EXOC4: variants seen among roughly 807,000 people sequenced by gnomAD.
The protein encoded by EXOC4 is SEC8-like 1.
In EXOC4, 71 loss-of-function variants were observed where a neutral mutation model predicts 107.2. The observed-to-expected ratio is 0.66, with a 90% confidence interval of 0.55 to 0.81. The LOEUF is 0.81. EXOC4 is among the 30% of genes least tolerant of loss of function. EXOC4 has a pLI of 0.00. For synonymous variants in EXOC4, 456 were observed against 441.2 expected (o/e 1.03, Z -0.42); for missense variants, 1,108 against 1,189.6 (o/e 0.93, Z 1.01).
intron 10 of EXOC4, among the ~76,000 whole-genome samples, chr7:133,760,621 C>G (rs1232568575): frequency 1.3e-5 from 2 of 152,028 alleles, no homozygotes; most frequent in African/African-American, 4.8e-5. Context: ...TCTGTTTTGA[C>G]CTCGCACCAT....
At chr7:133,363,870 G>T (rs1156247855) in intron 6 of EXOC4, among the ~76,000 whole-genome samples, 1 of 152,108 alleles carries the variant, frequency 6.6e-6, no homozygotes. Flanking sequence ...AAATAATACT[G>T]GATCTTTTCA....
chr7:133,603,260 C>T (rs180699243), intron 9 of EXOC4, among the ~76,000 whole-genome samples: 183 of 152,248 alleles, frequency 1.2e-3, no homozygotes, highest in Non-Finnish European at 1.7e-3. Flanking sequence ...GTGCCATACT[C>T]AAAATAGTTT....
At chr7:133,378,358 A>G (rs1796537014) in intron 7 of EXOC4, among the ~76,000 whole-genome samples, 2 of 151,296 alleles carry the variant, frequency 1.3e-5, no homozygotes, top group African/African-American at 2.4e-5. Flanking sequence ...ATAATACCAG[A>G]TGGTAACTTA....
At chr7:133,546,153 A>T (rs995096315) in intron 9 of EXOC4, among the ~76,000 whole-genome samples, 1 of 151,958 alleles carries the variant, frequency 6.6e-6, no homozygotes, top group African/African-American at 2.4e-5. Context: ...TCTTATGGGT[A>T]CTGTTTTTAA....
intron 17 of EXOC4, among the ~76,000 whole-genome samples, chr7:134,028,231 AT>A (rs1795188532): frequency 6.6e-6 from 1 of 152,202 alleles, no homozygotes; most frequent in Non-Finnish European, 1.5e-5. Context: ...AAAAATTACT[AT>A]GTGATGATAA....
intron 6 of EXOC4, among the ~76,000 whole-genome samples, chr7:133,363,162 C>A (rs1355621228): frequency 6.6e-6 from 1 of 151,914 alleles, no homozygotes; most frequent in Non-Finnish European, 1.5e-5. Context: ...TTAAATATAC[C>A]CAACTATTTA....
At chr7:133,971,189 A>C (rs1801212911) in intron 14 of EXOC4, among the ~76,000 whole-genome samples, 1 of 151,846 alleles carries the variant, frequency 6.6e-6, no homozygotes, top group Non-Finnish European at 1.5e-5. Context: ...CCTAATCATC[A>C]GGGTTAATGT....
chr7:133,552,438 C>T (rs1265161726), intron 9 of EXOC4, among the ~76,000 whole-genome samples: 1 of 152,192 alleles, frequency 6.6e-6, no homozygotes, highest in Non-Finnish European at 1.5e-5. Flanking sequence ...AGACATTTGA[C>T]ATTTTTAACT....
intron 9 of EXOC4, among the ~76,000 whole-genome samples, chr7:133,506,183 A>G (rs937874531): frequency 3.3e-5 from 5 of 152,134 alleles, no homozygotes; most frequent in Admixed American, 2.0e-4. Context: ...GGGAGGATAT[A>G]TTTCTTTAAT....
chr7:133,662,643 G>A (rs530870509), intron 10 of EXOC4, among the ~76,000 whole-genome samples: 4 of 151,954 alleles, frequency 2.6e-5, no homozygotes, highest in African/African-American at 4.8e-5. Flanking sequence ...ACAAAATAGC[G>A]CATGTGACAC....
chr7:133,817,532 G>T lies in EXOC4; in HGVS notation c.1722G>T (p.Arg574=). ...ADTMKVLGVQ[R]PLLQSTIIVE... ...CCATGAAGGTGCTGGGAGTGCAGCG[G>T]CCTCTCCTACAGGTAATAATACACT... The change falls in exon 11 of 18, where the codon CGG becomes CGT. Residue 574 remains arginine (R), a synonymous_variant. Transcript: ENST00000253861. 1 of 1,613,126 alleles carries T rather than the reference G, an allele frequency of 6.2e-7. No individual in the cohort carries two copies. The highest frequency in any genetic ancestry group is 8.5e-7 in the Non-Finnish European group (1 of 1,179,156).
intron 14 of EXOC4, among the ~76,000 whole-genome samples, chr7:133,988,620 C>G (rs1054414591): frequency 2.0e-5 from 3 of 152,070 alleles, no homozygotes; most frequent in Non-Finnish European, 4.4e-5. Context: ...TCCAGAAGAG[C>G]CATTGACCCT....
chr7:133,254,353 AGAGG>A (rs1170380704), intron 1 of EXOC4, among the ~76,000 whole-genome samples: 1 of 152,210 alleles, frequency 6.6e-6, no homozygotes, highest in Non-Finnish European at 1.5e-5. Context: ...TAGGCCATAC[AGAGG>A]AAGTGCTGTT....
At chr7:133,297,862 G>A (rs1350272750) in intron 3 of EXOC4, among the ~76,000 whole-genome samples, 1 of 152,208 alleles carries the variant, frequency 6.6e-6, no homozygotes. Context: ...ACACTTGAGT[G>A]TACAGGAAGA....
chr7:133,436,755 C>CA (rs779074343), intron 7 of EXOC4, among the ~76,000 whole-genome samples: 2 of 152,066 alleles, frequency 1.3e-5, no homozygotes, highest in African/African-American at 4.8e-5. Context: ...GTGTTCTATG[C>CA]AAAAAAACTC....
chr7:133,940,999 C>T (rs1800413733), intron 14 of EXOC4, among the ~76,000 whole-genome samples: 1 of 151,494 alleles, frequency 6.6e-6, no homozygotes, highest in Non-Finnish European at 1.5e-5. Flanking sequence ...AAAAAGTTTG[C>T]AGAAAATTAT....
intron 11 of EXOC4, among the ~76,000 whole-genome samples, chr7:133,844,359 C>G (rs1051705194): frequency 1.1e-5 from 1 of 87,398 alleles, no homozygotes. Context: ...AATTTAATTT[C>G]TTGGATTCCC....
At chr7:133,641,006 C>T (rs935958052) in intron 10 of EXOC4, among the ~76,000 whole-genome samples, 7 of 151,956 alleles carry the variant, frequency 4.6e-5, no homozygotes, top group Admixed American at 1.3e-4. Flanking sequence ...CCATACCTGG[C>T]GTAAGTCAAT....
chr7:133,780,630 A>C (rs1305573628), intron 10 of EXOC4, among the ~76,000 whole-genome samples: 1 of 152,160 alleles, frequency 6.6e-6, no homozygotes, highest in East Asian at 1.9e-4. Flanking sequence ...ATTCTAGAGC[A>C]TTACAGTGTC....
Sources: allele counts gnomAD v4.1 joint callset (sites outside exome capture counted in the v4.1 genomes callset), GRCh38; gene constraint gnomAD v4.1.1; transcripts MANE v1.5; gene names NCBI Gene and HGNC (gene_info 2026-07-23, HGNC 2026-07-21).